LRRFIP1: variants seen among roughly 807,000 people sequenced by gnomAD.
The protein encoded by LRRFIP1 is leucine-rich repeat flightless-interacting protein 1.
In LRRFIP1, 62 loss-of-function variants were observed where a neutral mutation model predicts 104.4. The observed-to-expected ratio is 0.59, with a 90% CI of 0.48 to 0.73. The LOEUF (loss-of-function observed/expected upper bound fraction) is 0.73, where lower values mean the gene tolerates loss of function less well. Among genes scored for constraint, LRRFIP1 ranks in the 30% least tolerant of loss-of-function variants. The pLI is 0.00. For synonymous variants in LRRFIP1, 300 were observed against 299.0 expected, an observed-to-expected ratio of 1.00 and a Z score of -0.03; for missense variants, 796 against 824.5, an observed-to-expected ratio of 0.97 and a Z score of 0.42.
At chr2:237,635,439 G>A (rs1388266248) in intron 1 of LRRFIP1, among the ~76,000 whole-genome samples, 1 of 152,018 alleles carries the variant, frequency 6.6e-6, no homozygotes, top group Non-Finnish European at 1.5e-5. Context: ...GTGGAAGCAG[G>A]TTGTCAAGTG....
intron 1 of LRRFIP1, among the ~76,000 whole-genome samples, chr2:237,679,749 C>T (rs2091591855): frequency 6.6e-6 from 1 of 152,152 alleles, no homozygotes; most frequent in Non-Finnish European, 1.5e-5. Flanking sequence ...GCTGGGATTG[C>T]AGGTATGCAC....
chr2:237,730,223 G>A (rs2094938900), intron 8 of LRRFIP1, among the ~76,000 whole-genome samples: 1 of 152,212 alleles, frequency 6.6e-6, no homozygotes, highest in Admixed American at 6.5e-5. Context: ...TGCAAACTTT[G>A]TGGTGGTTTC....
intron 8 of LRRFIP1, 108 bp from the exon 9 acceptor site, chr2:237,733,666 C>G: frequency 9.2e-7 from 1 of 1,083,786 alleles, no homozygotes; most frequent in South Asian, 1.3e-5. Context: ...AACCACTGTA[C>G]AGCAGTTGGC....
intron 1 of LRRFIP1, among the ~76,000 whole-genome samples, chr2:237,688,396 A>G (rs1441970723): frequency 6.7e-6 from 1 of 149,902 alleles, no homozygotes. Context: ...TCAGCTCTTT[A>G]GTTAAGACCC....
chr2:237,739,523 A>G (rs1259852904), intron 11 of LRRFIP1, among the ~76,000 whole-genome samples: 1 of 152,218 alleles, frequency 6.6e-6, no homozygotes, highest in East Asian at 1.9e-4. Flanking sequence ...AAAGGGAGAA[A>G]ATAATATAGC....
intron 1 of LRRFIP1, among the ~76,000 whole-genome samples, chr2:237,638,835 T>C (rs1468053259): frequency 6.6e-6 from 1 of 152,230 alleles, no homozygotes; most frequent in African/African-American, 2.4e-5. Flanking sequence ...TATTGACTGC[T>C]TACACATGGG....
intron 19 of LRRFIP1, 21 bp downstream of exon 19, chr2:237,760,226 G>C: frequency 6.2e-7 from 1 of 1,612,856 alleles, no homozygotes; most frequent in Non-Finnish European, 8.5e-7. Flanking sequence ...GCTTTCCTTC[G>C]GCTCCTCACA....
intron 10 of LRRFIP1, among the ~76,000 whole-genome samples, chr2:237,737,365 A>G (rs72983194): frequency 0.011 from 1,667 of 152,316 alleles, 17 homozygotes; most frequent in South Asian, 0.027. Flanking sequence ...CACGTGGCCA[A>G]CAAGAGATGG....
chr2:237,732,619 T>C (rs960210864), intron 8 of LRRFIP1, among the ~76,000 whole-genome samples: 2 of 152,248 alleles, frequency 1.3e-5, no homozygotes, highest in African/African-American at 4.8e-5. Flanking sequence ...AGAACCTATA[T>C]AGAAAAGGAG....
intron 5 of LRRFIP1, 79 bp from the exon 6 acceptor site, chr2:237,720,693 C>A: frequency 7.7e-7 from 1 of 1,298,546 alleles, no homozygotes; most frequent in Non-Finnish European, 1.1e-6. Flanking sequence ...TTCCCAGCAT[C>A]CCCCTGAAAC....
chr2:237,755,343 A>G (rs932047316), intron 15 of LRRFIP1, among the ~76,000 whole-genome samples: 1 of 152,192 alleles, frequency 6.6e-6, no homozygotes, highest in African/African-American at 2.4e-5. Flanking sequence ...CCAGCTGTTC[A>G]TGAGAGATGC....
chr2:237,691,102 T>A lies in LRRFIP1; in HGVS notation c.97-17442T>A, dbSNP rs1021166173. ...AGTGCTCACAGGCGCGAGCTCACGT[T>A]ACCAAGTTGGGTCAGCGTGCAGAGA... On this transcript the variant is annotated intron_variant, in intron 1 of 23. Transcript: ENST00000308482. The surrounding 1 kb of genome is among the most constrained non-coding windows in gnomAD (Gnocchi z 5.4). Among the ~76,000 whole-genome samples the A allele has an allele frequency of 3.3e-5, 5 of 151,812 alleles. No homozygotes were observed. Among genetic ancestry groups the A allele is most frequent in the Middle Eastern group, 3.4e-3 (1 of 294 alleles).
intron 6 of LRRFIP1, chr2:237,721,052 A>G: frequency 2.0e-6 from 1 of 494,540 alleles, no homozygotes; most frequent in East Asian, 3.3e-5. Context: ...CCCGAGATGA[A>G]GTCATCTTTT....
In LRRFIP1 at chr2:237,767,991, T is replaced by C. The variant is rs2150904192; in HGVS notation, c.1460-1952T>C. Reference sequence around the variant, plus strand: ...TTTTGTTCTTTTTGTCCCTATCTACTGCCTCTCTTAAATATTTTTCAACAT... The same window carrying C: ...TTTTGTTCTTTTTGTCCCTATCTACCGCCTCTCTTAAATATTTTTCAACAT... On this transcript the variant is annotated intron_variant, in intron 19 of 23. Coordinates refer to ENST00000308482, the MANE Select transcript of LRRFIP1 (RefSeq NM_001137550.2). 1.3e-5 allele frequency among the ~76,000 whole-genome samples: 2 copies of C among 152,386 alleles called. 1 individual carries two copies. Among genetic ancestry groups the C allele is most frequent in the East Asian group, 3.9e-4 (2 of 5,190 alleles).
intron 19 of LRRFIP1, chr2:237,762,904 A>G (rs376067203): frequency 6.2e-7 from 1 of 1,614,240 alleles, no homozygotes; most frequent in Non-Finnish European, 8.5e-7. Context: ...TGGGTGCACC[A>G]GATGACAGGA....
intron 1 of LRRFIP1, among the ~76,000 whole-genome samples, chr2:237,648,255 G>A (rs1275488044): frequency 6.6e-6 from 1 of 151,892 alleles, no homozygotes; most frequent in Non-Finnish European, 1.5e-5. Context: ...TTCTAAGGAC[G>A]CAGGAGTCTA....
In LRRFIP1 at chr2:237,753,428, G is replaced by A; in HGVS notation, c.987G>A (p.Glu329=). 6.2e-7 allele frequency: 1 copy of A among 1,603,016 alleles called. No individual in the cohort carries two copies. The highest frequency in any genetic ancestry group is 8.5e-7 in the Non-Finnish European group (1 of 1,177,540). The change falls in exon 15 of 24, where the codon GAG becomes GAA. Residue 329 remains glutamate, a synonymous_variant. Transcript: ENST00000308482. The part of the protein sequence containing the change: ...QVDTLKDMLL[E]LEEQLAESRR... ...ATACCCTAAAAGATATGTTGCTGGAGCTTGAAGAACAGCTGGCTGAATCTA... is the reference window on the plus strand; with the variant it reads ...ATACCCTAAAAGATATGTTGCTGGAACTTGAAGAACAGCTGGCTGAATCTA...
rs78998986 is a variant in LRRFIP1, at chr2:237,711,736, A to G, written c.184-2523A>G. On this transcript the variant is annotated intron_variant, in intron 2 of 23. Coordinates refer to ENST00000308482, the MANE Select transcript of LRRFIP1 (RefSeq NM_001137550.2). This position sits in a 1 kb window ranked among gnomAD's most constrained non-coding sequence, Gnocchi z 4.4. ...GGGGGACATGTCAGGAGGGGCAGAG[A>G]AATGAACGTGGCCAAGATGGTGAGT... Among the ~76,000 whole-genome samples, 3,944 of 152,226 alleles carry G rather than the reference A, an allele frequency of 0.026. 141 individuals are homozygous for G. The highest frequency in any genetic ancestry group is 0.08 in the African/African-American group (3,321 of 41,520).
Position 237,712,642 on chromosome 2 carries a change from CATGTGTGTGT to C in LRRFIP1, c.184-1616_184-1607del, listed in dbSNP as rs796140723. Among the ~76,000 whole-genome samples, 92 of 152,022 alleles carry C rather than the reference CATGTGTGTGT, an allele frequency of 6.1e-4. 1 individual carries two copies. Among genetic ancestry groups the C allele is most frequent in the African/African-American group, 1.9e-3 (80 of 41,518 alleles). The stretch of plus-strand genomic sequence containing the variant: ...GCACGCATTCGTGTGTGTGCGTGTG[CATGTGTGTGT>C]GCATGTGTGTGCATGTGCGCTCACA... On this transcript the variant is annotated intron_variant, in intron 2 of 23. Transcript: ENST00000308482.
Sources: gnomAD v4.1 joint callset for allele counts (sites outside exome capture counted in the v4.1 genomes callset) on GRCh38, gnomAD v4.1.1 for gene constraint, Gnocchi (gnomAD v3.1) non-coding constraint, MANE v1.5 for transcripts, NCBI Gene and HGNC (gene_info 2026-07-23, HGNC 2026-07-21) for gene names.